The following ARAP2 variants were observed in gnomAD, a reference collection of about 807,000 sequenced individuals.
The protein encoded by ARAP2 is ArfGAP with RhoGAP domain, ankyrin repeat and PH domain 2.
Under a neutral mutation model 194.5 loss-of-function variants are expected in ARAP2, and 148 were observed. The observed-to-expected ratio is 0.76, with a 90% CI of 0.67 to 0.87. The LOEUF (loss-of-function observed/expected upper bound fraction) is 0.87. Among genes scored for constraint, ARAP2 ranks in the 40% least tolerant of loss-of-function variants. ARAP2 has a pLI of 0.00. For synonymous variants in ARAP2, 695 were observed against 683.5 expected (o/e 1.02, Z -0.26); for missense variants, 2,128 against 1,989.7 (o/e 1.07, Z -1.32).
At chr4:36,171,251 C>T (rs937243420) in intron 9 of ARAP2, among the ~76,000 whole-genome samples, 1 of 152,082 alleles carries the variant, frequency 6.6e-6, no homozygotes, top group African/African-American at 2.4e-5. Flanking sequence ...TTCACAATAG[C>T]AAAGACTTGG....
intron 28 of ARAP2, among the ~76,000 whole-genome samples, chr4:36,085,710 T>C (rs1711605546): frequency 1.3e-5 from 2 of 152,142 alleles, no homozygotes; most frequent in South Asian, 4.1e-4. Context: ...TCAAATATTT[T>C]TGAAAAGTTA....
chr4:36,206,535 T>C (rs1281620941), intron 6 of ARAP2, among the ~76,000 whole-genome samples: 2 of 152,224 alleles, frequency 1.3e-5, no homozygotes, highest in Admixed American at 6.5e-5. Flanking sequence ...TAAAATCTTA[T>C]CCGTTTTGCA....
rs752000840 is a variant in ARAP2, at chr4:36,229,460, C to G, written c.27G>C (p.Val9=). Residue 9 remains valine, a synonymous_variant, in exon 2 of 33, where the codon GTG becomes GTC. Transcript: ENST00000303965. ...TGCTCATTAGGAAATCTTTTATATC[C>G]ACATTTACTTCACTGACTGAGGACA... MSSVSEVN[V]DIKDFLMSIN... is the part of the protein sequence containing the mutation. The G allele has an allele frequency of 3.1e-6, 5 of 1,610,986 alleles. No homozygotes were observed. Among genetic ancestry groups the G allele is most frequent in the Non-Finnish European group, 4.2e-6 (5 of 1,178,160 alleles).
At chr4:36,096,362 C>CAAA (rs10632831) in intron 27 of ARAP2, among the ~76,000 whole-genome samples, 6 of 80,966 alleles carry the variant, frequency 7.4e-5, no homozygotes, top group Admixed American at 4.1e-4. Flanking sequence ...GAGACTCTCT[C>CAAA]AAAAAAAAAA....
rs1379707125 is a variant in ARAP2 at position 36,068,263 on chromosome 4, G to A, written c.4759C>T (p.Leu1587Phe). 3 of 1,554,634 alleles carry A rather than the reference G, an allele frequency of 1.9e-6. No homozygotes were observed. The highest frequency in any genetic ancestry group is 2.6e-6 in the Non-Finnish European group (3 of 1,153,124). ...TTTTCACTGAGCCGCAGCCTTTCAA[G>A]TTCTGCTCTTGCACTCTAAAAATAA... is the stretch of plus-strand genomic sequence containing the variant. ...RKNIESARAE[L>F]ERLRLSEKCD... The change falls in exon 33 of 33, where the codon CTT (leucine) becomes TTT (phenylalanine). Residue 1587 changes from leucine to phenylalanine, a missense_variant. Transcript: ENST00000303965.
intron 19 of ARAP2, among the ~76,000 whole-genome samples, chr4:36,142,066 T>G (rs574393331): frequency 6.6e-6 from 1 of 151,790 alleles, no homozygotes; most frequent in Non-Finnish European, 1.5e-5. Context: ...GTGCATATTC[T>G]CTATCTTGGC....
chr4:36,237,813 A>G (rs1334489439), intron 1 of ARAP2, among the ~76,000 whole-genome samples: 1 of 152,230 alleles, frequency 6.6e-6, no homozygotes, highest in African/African-American at 2.4e-5. Flanking sequence ...AGAAATAGGT[A>G]CCGTGTTATT....
chr4:36,024,559 G>A (rs995229151), intron 5 of ARAP2, among the ~76,000 whole-genome samples: 3 of 152,092 alleles, frequency 2.0e-5, no homozygotes, highest in African/African-American at 7.2e-5. Flanking sequence ...GTTCATAAAA[G>A]AGTGAGCTAA....
At chr4:36,036,815 C>T (rs1490234980) in intron 5 of ARAP2, among the ~76,000 whole-genome samples, 1 of 152,062 alleles carries the variant, frequency 6.6e-6, no homozygotes, top group Non-Finnish European at 1.5e-5. Context: ...GGGACAGATC[C>T]TTTCATCATT....
At chr4:36,178,042 A>G in intron 8 of ARAP2, 37 bp from the exon 9 acceptor site, 1 of 1,538,556 alleles carries the variant, frequency 6.5e-7, no homozygotes. Context: ...ATAAATCCAC[A>G]TATAAGTTAC....
chr4:36,139,214 A>G lies in ARAP2; in HGVS notation c.3264-5825T>C, dbSNP rs1276836761. Among the ~76,000 whole-genome samples the G allele has an allele frequency of 3.3e-5, 5 of 151,816 alleles. No individual in the cohort carries two copies. In the East Asian group the frequency reaches 9.7e-4, roughly 29 times the overall value. On this transcript the variant is annotated intron_variant, in intron 19 of 32. Transcript: ENST00000303965. ...CCTTGCTTTATCATATTAAACCCACAATATTAAATAGAAGTGGTGGGAATA... is the reference window on the plus strand; with the variant it reads ...CCTTGCTTTATCATATTAAACCCACGATATTAAATAGAAGTGGTGGGAATA...
intron 3 of ARAP2, among the ~76,000 whole-genome samples, chr4:36,048,074 C>A (rs1394719313): frequency 6.6e-6 from 1 of 152,100 alleles, no homozygotes; most frequent in Non-Finnish European, 1.5e-5. Flanking sequence ...GTAAGCACAA[C>A]ATATATGAAA....
At chr4:36,128,923 A>C (rs537504665) in intron 20 of ARAP2, among the ~76,000 whole-genome samples, 178 bp from the exon 21 acceptor site, 1 of 152,136 alleles carries the variant, frequency 6.6e-6, no homozygotes, top group Non-Finnish European at 1.5e-5. Flanking sequence ...TAGTATTTAA[A>C]ATGTAAACCT....
intron 24 of ARAP2, among the ~76,000 whole-genome samples, chr4:36,118,051 A>C (rs564598372): frequency 6.6e-6 from 1 of 151,594 alleles, no homozygotes; most frequent in African/African-American, 2.4e-5. Context: ...CATAAAATCT[A>C]ATGAGTAAAC....
Position 36,193,495 on chromosome 4 carries a change from A to G in ARAP2, c.1557+83T>C, listed in dbSNP as rs1319586239. ...TTTTCATGTTGAGAATCTACCTCCTATTCTTAAAAACCAAACTGCTTGCTT... is the reference window on the plus strand; with the variant it reads ...TTTTCATGTTGAGAATCTACCTCCTGTTCTTAAAAACCAAACTGCTTGCTT... On this transcript the variant is annotated intron_variant, in intron 7 of 32. Coordinates refer to ENST00000303965, the MANE Select transcript of ARAP2 (RefSeq NM_015230.4). 1.9e-5 allele frequency: 15 copies of G among 810,372 alleles called. No homozygotes were observed. The Admixed American group carries it at 4.6e-4, about 25-fold the overall frequency. The allele number at this position is 810,372 out of a possible 1,614,324, so 50.2% of individuals were successfully genotyped here.
chr4:36,235,376 C>A (rs913964505), intron 1 of ARAP2, among the ~76,000 whole-genome samples: 2 of 152,238 alleles, frequency 1.3e-5, no homozygotes, highest in Non-Finnish European at 2.9e-5. Flanking sequence ...CTTCCTCAGA[C>A]CTTACCTCTT....
intron 27 of ARAP2, among the ~76,000 whole-genome samples, chr4:36,098,587 T>C (rs982875437): frequency 1.3e-5 from 2 of 152,144 alleles, no homozygotes; most frequent in Non-Finnish European, 2.9e-5. Context: ...TATACATCTC[T>C]GTAAATTATT....
At chr4:36,046,464 C>T (rs537066882) in intron 4 of ARAP2, among the ~76,000 whole-genome samples, 2 of 152,224 alleles carry the variant, frequency 1.3e-5, no homozygotes, top group East Asian at 3.9e-4. Context: ...ATTGGGATTA[C>T]AGCTGTGAGC....
rs751724063 is a variant in ARAP2 at position 36,210,606 on chromosome 4, C to T, written c.1271G>A (p.Ser424Asn). 4.3e-6 allele frequency: 7 copies of T among 1,613,816 alleles called. No homozygotes were observed. Among genetic ancestry groups the T allele is most frequent in the African/African-American group, 1.3e-5 (1 of 74,906 alleles). ...EYSTVEECFQSLRRKNSKASK... is the reference protein window; with the variant it reads ...EYSTVEECFQNLRRKNSKASK... ...TGCCTTTGAATTTTTTCTTCTTAAA[C>T]TCTGAAAGCATTCTTCTACTGTTGA... Residue 424 changes from serine to asparagine, a missense_variant, in exon 6 of 33, where the codon AGT (serine) becomes AAT (asparagine). Ser to Asn is a conservative substitution (Grantham distance 46). Coordinates refer to ENST00000303965, the MANE Select transcript of ARAP2 (RefSeq NM_015230.4).
Sources: allele counts gnomAD v4.1 joint callset (sites outside exome capture counted in the v4.1 genomes callset), GRCh38; gene constraint gnomAD v4.1.1; transcripts MANE v1.5; gene names NCBI Gene and HGNC (gene_info 2026-07-23, HGNC 2026-07-21).